Variants in MAP3K20 observed in about 807,000 individuals in gnomAD.
The protein encoded by MAP3K20 is mitogen-activated protein kinase kinase kinase 20.
Under a neutral mutation model 85.7 loss-of-function variants are expected in MAP3K20, and 40 were observed. The ratio of observed to expected loss-of-function variants is 0.47; its 90% CI spans 0.36 to 0.61. The LOEUF is 0.61. Ranked by LOEUF, MAP3K20 falls within the 20% of genes least tolerant of loss-of-function variation. MAP3K20 has a pLI of 0.00. For missense variants in MAP3K20, 817 were observed against 961.7 expected (o/e 0.85, Z 1.99); for synonymous variants, 325 against 327.7 (o/e 0.99, Z 0.09).
intron 11 of MAP3K20, chr2:173,221,258 G>A (rs760551304): frequency 2.0e-5 from 33 of 1,613,848 alleles, no homozygotes; most frequent in East Asian, 6.7e-5. Context: ...AACAAGTAAC[G>A]GGGAGGGCCA....
In MAP3K20 at chr2:173,090,981, T is replaced by C. The variant is rs1456559402; in HGVS notation, c.-34-17T>C. On this transcript the variant is annotated splice_polypyrimidine_tract_variant and intron_variant, in intron 1 of 19. Coordinates refer to ENST00000375213, the MANE Select transcript of MAP3K20 (RefSeq NM_016653.3). ...ATATATTTGTAATTCAGCTTTTCTTTTTCTTTCTTTCTGCAGATTTTGTGG... is the reference window on the plus strand; with the variant it reads ...ATATATTTGTAATTCAGCTTTTCTTCTTCTTTCTTTCTGCAGATTTTGTGG... 1 of 1,561,894 alleles carries C rather than the reference T, an allele frequency of 6.4e-7. No individual in the cohort carries two copies. Among genetic ancestry groups the C allele is most frequent in the Admixed American group, 2.0e-5 (1 of 50,062 alleles).
chr2:173,089,848 C>T (rs1053359924), intron 1 of MAP3K20, among the ~76,000 whole-genome samples: 2 of 152,180 alleles, frequency 1.3e-5, no homozygotes, highest in African/African-American at 4.8e-5. Context: ...ACTGGGATTA[C>T]AGGCGTGAGC....
At chr2:173,235,749 A>T (rs1311816573) in intron 14 of MAP3K20, among the ~76,000 whole-genome samples, 1 of 152,178 alleles carries the variant, frequency 6.6e-6, no homozygotes, top group Admixed American at 6.5e-5. Context: ...TCACCTCATT[A>T]AAAAATAATA....
intron 2 of MAP3K20, among the ~76,000 whole-genome samples, chr2:173,137,866 C>T (rs1239144651): frequency 6.6e-6 from 1 of 152,196 alleles, no homozygotes; most frequent in Non-Finnish European, 1.5e-5. Context: ...CAAAAATCTA[C>T]TTGAACAATT....
At chr2:173,260,229 G>A (rs2106355769) in intron 17 of MAP3K20, among the ~76,000 whole-genome samples, 1 of 152,254 alleles carries the variant, frequency 6.6e-6, no homozygotes, top group East Asian at 1.9e-4. Context: ...TGAGCCAGGT[G>A]TGGTGGCGTG....
chr2:173,142,003 A>G (rs1004947660), intron 2 of MAP3K20, among the ~76,000 whole-genome samples: 2 of 152,226 alleles, frequency 1.3e-5, no homozygotes, highest in Non-Finnish European at 2.9e-5. Context: ...GATGAAATAG[A>G]CATTTTTAGA....
At chr2:173,147,397 G>C (rs1689165942) in intron 2 of MAP3K20, among the ~76,000 whole-genome samples, 1 of 152,092 alleles carries the variant, frequency 6.6e-6, no homozygotes, top group East Asian at 1.9e-4. Flanking sequence ...TTTGTATGTA[G>C]ATAATAACTT....
chr2:173,256,463 A>G (rs926253384), intron 16 of MAP3K20, among the ~76,000 whole-genome samples: 4 of 151,860 alleles, frequency 2.6e-5, no homozygotes, highest in Non-Finnish European at 5.9e-5. Flanking sequence ...ACTAACTCTA[A>G]AAAAGAAATT....
intron 2 of MAP3K20, among the ~76,000 whole-genome samples, chr2:173,110,192 A>G (rs1472889590): frequency 8.5e-6 from 1 of 117,464 alleles, no homozygotes; most frequent in Non-Finnish European, 1.7e-5. Flanking sequence ...TATATAATAT[A>G]TGTTATACAT....
At chr2:173,134,414 A>ATT (rs1290040694) in intron 2 of MAP3K20, among the ~76,000 whole-genome samples, 81 of 6,102 alleles carry the variant, frequency 0.013, 1 homozygote, top group Non-Finnish European at 0.025. Context: ...ATATATATAT[A>ATT]TATATATATA....
At chr2:173,111,691 C>T (rs1324591187) in intron 2 of MAP3K20, among the ~76,000 whole-genome samples, 3 of 152,126 alleles carry the variant, frequency 2.0e-5, no homozygotes, top group African/African-American at 4.8e-5. Flanking sequence ...GTCCTTTCCC[C>T]ACTTTATGTT....
chr2:173,132,106 C>T (rs932770996), intron 2 of MAP3K20, among the ~76,000 whole-genome samples: 8 of 152,000 alleles, frequency 5.3e-5, no homozygotes, highest in African/African-American at 1.7e-4. Context: ...GCTTTCTTGT[C>T]CCCATCTCTC....
intron 7 of MAP3K20, among the ~76,000 whole-genome samples, chr2:173,193,976 A>T (rs1690742591): frequency 6.6e-6 from 1 of 152,190 alleles, no homozygotes; most frequent in Non-Finnish European, 1.5e-5. Flanking sequence ...CTGTATTTAC[A>T]CACTGGATGT....
intron 14 of MAP3K20, among the ~76,000 whole-genome samples, chr2:173,234,793 A>G (rs912289953): frequency 2.6e-5 from 4 of 152,208 alleles, no homozygotes; most frequent in Non-Finnish European, 5.9e-5. Context: ...GATCCTGGAC[A>G]GCTTACAACT....
At chr2:173,077,315 A>C (rs947411569) in intron 1 of MAP3K20, among the ~76,000 whole-genome samples, 1 of 149,150 alleles carries the variant, frequency 6.7e-6, no homozygotes, top group Non-Finnish European at 1.5e-5. Flanking sequence ...ATTCAAGGCT[A>C]GTTAATGTCC....
chr2:173,150,241 C>A (rs568446276), intron 2 of MAP3K20, among the ~76,000 whole-genome samples: 27 of 152,156 alleles, frequency 1.8e-4, no homozygotes, highest in Non-Finnish European at 3.5e-4. Context: ...AGCAGGGTGA[C>A]TTAAGAGATT....
intron 19 of MAP3K20, among the ~76,000 whole-genome samples, chr2:173,265,236 C>T (rs1685392431): frequency 6.6e-6 from 1 of 152,204 alleles, no homozygotes; most frequent in Non-Finnish European, 1.5e-5. Context: ...GCTGAGGAAG[C>T]TGAGGCTGGG....
At chr2:173,236,706 A>G (rs1386204312) in intron 14 of MAP3K20, among the ~76,000 whole-genome samples, 2 of 152,142 alleles carry the variant, frequency 1.3e-5, no homozygotes, top group Admixed American at 1.3e-4. Flanking sequence ...GATTTCCAAC[A>G]AGTTTATATG....
chr2:173,224,563 A>G (rs1684335005), intron 11 of MAP3K20: 1 of 985,158 alleles, frequency 1.0e-6, no homozygotes, highest in African/African-American at 1.7e-5. Context: ...AGATGGTCAT[A>G]GCTCATTACT....
Sources: gnomAD v4.1 joint callset for allele counts (sites outside exome capture counted in the v4.1 genomes callset) on GRCh38, gnomAD v4.1.1 for gene constraint, MANE v1.5 for transcripts, NCBI Gene and HGNC (gene_info 2026-07-23, HGNC 2026-07-21) for gene names.